SLC1A2: variants seen among roughly 807,000 people sequenced by gnomAD.
The protein encoded by SLC1A2 is excitatory amino acid transporter 2.
Under a neutral mutation model 48.8 loss-of-function variants are expected in SLC1A2, and 15 were observed. That is an observed-to-expected ratio of 0.31 (90% CI 0.21 to 0.47). SLC1A2 has a LOEUF of 0.47. Among genes scored for constraint, SLC1A2 ranks in the 20% least tolerant of loss-of-function variants. SLC1A2 has a pLI of 0.99. For missense variants in SLC1A2, 502 were observed against 730.5 expected, an observed-to-expected ratio of 0.69 and a Z score of 3.61; for synonymous variants, 279 against 272.6, an observed-to-expected ratio of 1.02 and a Z score of -0.23.
chr11:35,325,415 C>T (rs1034180773), intron 1 of SLC1A2, among the ~76,000 whole-genome samples: 5 of 152,200 alleles, frequency 3.3e-5, no homozygotes, highest in Non-Finnish European at 7.4e-5. Flanking sequence ...ACTTTGAGGA[C>T]AAACTGTGTC....
chr11:35,271,264 C>A (rs910674220), intron 9 of SLC1A2, among the ~76,000 whole-genome samples: 1 of 152,108 alleles, frequency 6.6e-6, no homozygotes, highest in African/African-American at 2.4e-5. Context: ...AGCAGATGCC[C>A]CACAGATGGC....
intron 7 of SLC1A2, among the ~76,000 whole-genome samples, chr11:35,290,345 A>G (rs1038687136): frequency 6.6e-6 from 1 of 152,196 alleles, no homozygotes; most frequent in Non-Finnish European, 1.5e-5. Flanking sequence ...GCATTGTAGT[A>G]CATACAGTGC....
chr11:35,376,033 C>T (rs1854217808), intron 1 of SLC1A2, among the ~76,000 whole-genome samples: 1 of 152,128 alleles, frequency 6.6e-6, no homozygotes, highest in Admixed American at 6.5e-5. Flanking sequence ...TAATAACCAG[C>T]CAGGCTAGTC....
Position 35,317,554 on chromosome 11 carries a change from C to A in SLC1A2, c.18-38G>T, listed in dbSNP as rs201784567. 77 of 1,600,880 alleles carry A rather than the reference C, an allele frequency of 4.8e-5. No homozygotes were observed. The East Asian group carries it at 1.7e-3, about 35-fold the overall frequency. ...TGAAGGCAGAGATTAGAGAGACTGGCACCTCCCCTATACAGTTTCAGGGGC... is the reference window on the plus strand; with the variant it reads ...TGAAGGCAGAGATTAGAGAGACTGGAACCTCCCCTATACAGTTTCAGGGGC... On this transcript the variant is annotated intron_variant, in intron 1 of 10. Coordinates refer to ENST00000278379, the MANE Select transcript of SLC1A2 (RefSeq NM_004171.4).
intron 1 of SLC1A2, among the ~76,000 whole-genome samples, chr11:35,357,958 A>T (rs1853542220): frequency 6.6e-6 from 1 of 152,186 alleles, no homozygotes; most frequent in Non-Finnish European, 1.5e-5. Flanking sequence ...CATCCTGGCC[A>T]ACGTGGTAAA....
chr11:35,418,301 A>G lies in SLC1A2; in HGVS notation c.17+649T>C, dbSNP rs565744617. Reference sequence around the variant, plus strand: ...CGGGCTGAATAGGGAAGCCAATGCTATCCCTGCCCGCTGGAGTCTGGCGAC... The same window carrying G: ...CGGGCTGAATAGGGAAGCCAATGCTGTCCCTGCCCGCTGGAGTCTGGCGAC... On this transcript the variant is annotated intron_variant, in intron 1 of 10. Coordinates refer to ENST00000278379, the MANE Select transcript of SLC1A2 (RefSeq NM_004171.4). 2.0e-5 allele frequency: 3 copies of G among 152,384 alleles called. No individual in the cohort carries two copies. The South Asian group carries it at 6.2e-4, about 32-fold the overall frequency. The allele number at this position is 152,384 out of a possible 1,614,324, so 9.4% of individuals were successfully genotyped here.
At chr11:35,387,324 A>C in intron 1 of SLC1A2, among the ~76,000 whole-genome samples, 1 of 152,150 alleles carries the variant, frequency 6.6e-6, no homozygotes, top group East Asian at 1.9e-4. Context: ...CAATCCCAAA[A>C]TGCCAGAAAC....
intron 1 of SLC1A2, among the ~76,000 whole-genome samples, chr11:35,333,595 G>A (rs545006862): frequency 2.0e-5 from 3 of 152,082 alleles, no homozygotes; most frequent in Non-Finnish European, 4.4e-5. Context: ...ATGACGAAGA[G>A]TTGGAAATTT....
chr11:35,321,349 G>C (rs1397614835), intron 1 of SLC1A2, among the ~76,000 whole-genome samples: 2 of 152,148 alleles, frequency 1.3e-5, no homozygotes, highest in African/African-American at 4.8e-5. Flanking sequence ...GGCAGCATGA[G>C]TTTGTATCAA....
chr11:35,333,826 A>ACTTTTTT (rs1852515262), intron 1 of SLC1A2, among the ~76,000 whole-genome samples: 1 of 93,820 alleles, frequency 1.1e-5, no homozygotes, highest in Non-Finnish European at 2.1e-5. Flanking sequence ...CATGCCAGCT[A>ACTTTTTT]ATTTTTTTTT....
At chr11:35,298,700 T>C (rs1004062894) in intron 6 of SLC1A2, 1 of 152,230 alleles carries the variant, frequency 6.6e-6, no homozygotes, top group Non-Finnish European at 1.5e-5. Context: ...TTAGGAGTTC[T>C]GGTTTCAGTG....
intron 8 of SLC1A2, among the ~76,000 whole-genome samples, chr11:35,283,508 T>C (rs1469937962): frequency 1.3e-5 from 2 of 152,140 alleles, no homozygotes; most frequent in East Asian, 3.9e-4. Flanking sequence ...CAAGTGAAAA[T>C]GCTCAGTAGT....
At chr11:35,262,724 T>G (rs1159598570) in intron 10 of SLC1A2, among the ~76,000 whole-genome samples, 1 of 152,258 alleles carries the variant, frequency 6.6e-6, no homozygotes, top group Non-Finnish European at 1.5e-5. Flanking sequence ...TTGCTTTACC[T>G]AGCAAAGGCT....
intron 1 of SLC1A2, among the ~76,000 whole-genome samples, chr11:35,339,386 C>T (rs551228172): frequency 6.6e-6 from 1 of 152,186 alleles, no homozygotes; most frequent in Admixed American, 6.5e-5. Context: ...CACAGGGCAT[C>T]TTCTTATACT....
intron 4 of SLC1A2, among the ~76,000 whole-genome samples, chr11:35,309,953 T>C (rs140610053): frequency 6.6e-6 from 1 of 152,190 alleles, no homozygotes; most frequent in African/African-American, 2.4e-5. Context: ...AAAGTTGGGG[T>C]CAGGGCTGGC....
rs776149170 is a variant in SLC1A2, at chr11:35,317,525, G to A, written c.18-9C>T. The A allele has an allele frequency of 6.2e-7, 1 of 1,612,008 alleles. No homozygotes were observed. Among genetic ancestry groups the A allele is most frequent in the Non-Finnish European group, 8.5e-7 (1 of 1,179,430 alleles). The stretch of plus-strand genomic sequence containing the variant: ...TGGGCATATTGTTGGCACTGGAACA[G>A]AAGTGAAGGCAGAGATTAGAGAGAC... On this transcript the variant is annotated splice_polypyrimidine_tract_variant and intron_variant, in intron 1 of 10. Transcript: ENST00000278379.
intron 7 of SLC1A2, among the ~76,000 whole-genome samples, chr11:35,287,153 T>C (rs542013311): frequency 2.6e-4 from 40 of 152,250 alleles, no homozygotes; most frequent in Middle Eastern, 3.4e-3. Context: ...AAGACACTAA[T>C]AGGCAGCAAA....
At chr11:35,309,247 C>T (rs1404176266) in intron 4 of SLC1A2, among the ~76,000 whole-genome samples, 3 of 152,158 alleles carry the variant, frequency 2.0e-5, no homozygotes, top group African/African-American at 7.2e-5. Context: ...CCTCCCTCCC[C>T]TTTAATGTAA....
intron 1 of SLC1A2, among the ~76,000 whole-genome samples, chr11:35,367,825 A>T (rs1325968117): frequency 6.6e-6 from 1 of 152,238 alleles, no homozygotes; most frequent in South Asian, 2.1e-4. Flanking sequence ...TTTGTACTCC[A>T]GTAAGTGTAT....
Sources: allele counts gnomAD v4.1 joint callset (sites outside exome capture counted in the v4.1 genomes callset), GRCh38; gene constraint gnomAD v4.1.1; transcripts MANE v1.5; gene names NCBI Gene and HGNC (gene_info 2026-07-23, HGNC 2026-07-21).